The following PCDHGA6 variants were observed in gnomAD, a reference collection of about 807,000 sequenced individuals.
PCDHGA6 encodes the protein protocadherin gamma subfamily A, 6.
Under a neutral mutation model 60.6 loss-of-function variants are expected in PCDHGA6, and 41 were observed. That is an observed-to-expected ratio of 0.68 (90% confidence interval 0.53 to 0.88). The LOEUF (loss-of-function observed/expected upper bound fraction) is 0.88. Ranked by LOEUF, PCDHGA6 falls within the 40% of genes least tolerant of loss-of-function variation. The pLI, the probability that PCDHGA6 is intolerant of heterozygous loss-of-function variation, is 0.00. For missense variants in PCDHGA6, 1,312 were observed against 1,203.0 expected (o/e 1.09, Z -1.34); for synonymous variants, 594 against 524.4 (o/e 1.13, Z -1.81).
rs1354360582 is a variant in PCDHGA6 at position 141,491,147 on chromosome 5, A to T, written c.2425-3660A>T. On this transcript the variant is annotated intron_variant, in intron 1 of 3. Transcript: ENST00000517434. The surrounding 1 kb of genome is among the most constrained non-coding windows in gnomAD (Gnocchi z 6.9). ...GTGCGCACAGCCCGGGCCTTACTGG[A>T]GGATGACTCTGACACCCAGCAGGTG... The T allele has an allele frequency of 1.9e-6, 3 of 1,613,980 alleles. No homozygotes were observed. The highest frequency in any genetic ancestry group is 2.5e-6 in the Non-Finnish European group (3 of 1,179,994).
At chr5:141,451,288 C>G (rs1308574266) in intron 1 of PCDHGA6, among the ~76,000 whole-genome samples, 3 of 152,200 alleles carry the variant, frequency 2.0e-5, no homozygotes, top group Non-Finnish European at 4.4e-5. Context: ...GCCTCTGCCT[C>G]AAAGTCTTAC....
chr5:141,448,784 C>CA (rs576464275), intron 1 of PCDHGA6, among the ~76,000 whole-genome samples: 7,532 of 145,718 alleles, frequency 0.052, 302 homozygotes, highest in African/African-American at 0.11. Flanking sequence ...ACTAAAAATA[C>CA]AAAAAAAAAA....
chr5:141,384,202 G>A (rs752360983), intron 1 of PCDHGA6: 9 of 1,613,734 alleles, frequency 5.6e-6, no homozygotes, highest in Non-Finnish European at 6.8e-6. Flanking sequence ...CTTGTCCAGG[G>A]AAACTCACAT....
At chr5:141,385,426 T>G (rs1781187652) in intron 1 of PCDHGA6, 1 of 1,460,770 alleles carries the variant, frequency 6.8e-7, no homozygotes. Flanking sequence ...TTAAAAAACT[T>G]TATAGAGGTA....
At chr5:141,429,469 T>C (rs547784462) in intron 1 of PCDHGA6, among the ~76,000 whole-genome samples, 4 of 151,932 alleles carry the variant, frequency 2.6e-5, no homozygotes, top group African/African-American at 4.8e-5. Context: ...CCCACCTCAA[T>C]CTCCAGAGTA....
chr5:141,399,991 G>C, intron 1 of PCDHGA6: 1 of 1,612,422 alleles, frequency 6.2e-7, no homozygotes, highest in Non-Finnish European at 8.5e-7. Context: ...CACAGGAGAG[G>C]TGCGCACAGC....
chr5:141,508,045 T>A (rs985875804), intron 3 of PCDHGA6: 1 of 152,264 alleles, frequency 6.6e-6, no homozygotes, highest in Non-Finnish European at 1.5e-5. Flanking sequence ...GCCAGCTGTG[T>A]TCCAGCTAAT....
intron 1 of PCDHGA6, among the ~76,000 whole-genome samples, chr5:141,460,983 G>GTA (rs59296681): frequency 9.4e-4 from 130 of 137,840 alleles, no homozygotes; most frequent in Middle Eastern, 3.8e-3. Context: ...GTGTGTGTGT[G>GTA]TATATATATA....
intron 1 of PCDHGA6, chr5:141,430,959 T>A: frequency 6.2e-7 from 1 of 1,612,026 alleles, no homozygotes; most frequent in Non-Finnish European, 8.5e-7. Flanking sequence ...GTCCGCATCA[T>A]CCCCAGAGGT....
At chr5:141,421,081 A>G (rs775366249) in intron 1 of PCDHGA6, 61 of 637,820 alleles carry the variant, frequency 9.6e-5, no homozygotes, top group Non-Finnish European at 1.4e-4. Flanking sequence ...ATGGATACTC[A>G]CAGATCCTGA....
rs895234762 is a variant in PCDHGA6 at position 141,476,911 on chromosome 5, A to G, written c.2425-17896A>G. 4 of 1,613,972 alleles carry G rather than the reference A, an allele frequency of 2.5e-6. No individual in the cohort carries two copies. The African/African-American group carries it at 4.0e-5, about 16-fold the overall frequency. On this transcript the variant is annotated intron_variant, in intron 1 of 3. Transcript: ENST00000517434. This position sits in a 1 kb window ranked among gnomAD's most constrained non-coding sequence, Gnocchi z 7.6. ...CACCCTCCGGCACGCGCGTGGTACA[A>G]GTCCTTGCAACGGATCTGGATGAAG...
At chr5:141,488,139 T>C (rs906194527) in intron 1 of PCDHGA6, among the ~76,000 whole-genome samples, 2 of 152,084 alleles carry the variant, frequency 1.3e-5, no homozygotes, top group Non-Finnish European at 2.9e-5. Context: ...AGGAGAGAAC[T>C]AAAGGAATAG....
Position 141,432,943 on chromosome 5 carries a change from A to G in PCDHGA6, c.2424+56436A>G, listed in dbSNP as rs1200038728. ...ACAAGTCACGCCTGCTGCAGGCTTC[A>G]GGAGGCGGCTTGACAGGAGCGCCGG... On this transcript the variant is annotated intron_variant, in intron 1 of 3. Transcript: ENST00000517434. This position sits in a 1 kb window ranked among gnomAD's most constrained non-coding sequence, Gnocchi z 6.0. 5.6e-6 allele frequency: 9 copies of G among 1,614,168 alleles called. No homozygotes were observed. The highest frequency in any genetic ancestry group is 1.7e-4 in the Middle Eastern group (1 of 6,060).
At position 141,487,382 on chromosome 5, in the gene PCDHGA6, T is replaced by A. The variant is rs755316738; in HGVS notation, c.2425-7425T>A. 6.2e-7 allele frequency: 1 copy of A among 1,614,172 alleles called. No individual in the cohort carries two copies. The highest frequency in any genetic ancestry group is 2.2e-5 in the East Asian group (1 of 44,854). On this transcript the variant is annotated intron_variant, in intron 1 of 3. Transcript: ENST00000517434. The surrounding 1 kb of genome is among the most constrained non-coding windows in gnomAD (Gnocchi z 5.0). ...TGGCACCTGTGCCTGTCTCACCAGA[T>A]CTCGAAGGAGGGAGGGGCTTCCCCC...
chr5:141,409,156 A>G (rs771600341), intron 1 of PCDHGA6: 1 of 1,613,986 alleles, frequency 6.2e-7, no homozygotes, highest in Non-Finnish European at 8.5e-7. Flanking sequence ...ACACCATGGA[A>G]GTGGAAGCGA....
intron 1 of PCDHGA6, chr5:141,379,377 T>C (rs1263965751): frequency 1.3e-5 from 2 of 152,208 alleles, no homozygotes; most frequent in Non-Finnish European, 2.9e-5. Flanking sequence ...TTTGATAAAA[T>C]AACAATTTTA....
rs764658508 is a variant in PCDHGA6 at position 141,431,546 on chromosome 5, G to A, written c.2424+55039G>A. 1.2e-6 allele frequency: 2 copies of A among 1,614,000 alleles called. No homozygotes were observed. Among genetic ancestry groups the A allele is most frequent in the Admixed American group, 3.3e-5 (2 of 60,012 alleles). On this transcript the variant is annotated intron_variant, in intron 1 of 3. Coordinates refer to ENST00000517434, the MANE Select transcript of PCDHGA6 (RefSeq NM_018919.3). This position sits in a 1 kb window ranked among gnomAD's most constrained non-coding sequence, Gnocchi z 4.8. The stretch of plus-strand genomic sequence containing the variant: ...TCTGGCCTTGGGCACGCAGCTGCTT[G>A]TAGTCAACGCTACCGACCCTGACGA...
Position 141,374,478 on chromosome 5 carries a change from G to A in PCDHGA6, c.395G>A (p.Arg132Gln), listed in dbSNP as rs781173070. 3.7e-6 allele frequency: 6 copies of A among 1,611,820 alleles called. No homozygotes were observed. Among genetic ancestry groups the A allele is most frequent in the Non-Finnish European group, 5.1e-6 (6 of 1,178,064 alleles). ...EIVDINDNTP[R>Q]FLKEELEVKI... ...GTGGACATTAATGACAATACACCCC[G>A]ATTCTTAAAGGAAGAATTGGAAGTG... is the stretch of plus-strand genomic sequence containing the variant. The change falls in exon 1 of 4, where the codon CGA becomes CAA. Residue 132 changes from arginine to glutamine, a missense_variant. Arg to Gln is a conservative substitution (Grantham distance 43). Transcript: ENST00000517434.
intron 2 of PCDHGA6, among the ~76,000 whole-genome samples, chr5:141,499,022 A>C (rs1244590420): frequency 2.7e-5 from 4 of 150,722 alleles, no homozygotes; most frequent in Admixed American, 2.0e-4. Context: ...GGAAGGAAGG[A>C]AGGAAGAAAA....
Sources: allele counts gnomAD v4.1 joint callset (sites outside exome capture counted in the v4.1 genomes callset), GRCh38; gene constraint gnomAD v4.1.1; non-coding constraint Gnocchi (gnomAD v3.1); transcripts MANE v1.5; gene names NCBI Gene and HGNC (gene_info 2026-07-23, HGNC 2026-07-21).